INSL6: variants seen among roughly 807,000 people sequenced by gnomAD.
INSL6 encodes insulin-like peptide INSL6.
In INSL6, 16 loss-of-function variants were observed where a neutral mutation model predicts 9.4. That is an observed-to-expected ratio of 1.70 (90% CI 1.15 to 2.59). INSL6 has a LOEUF of 2.59. Ranked by LOEUF, INSL6 falls within the 30% of genes most tolerant of loss-of-function variation. The probability of loss-of-function intolerance (pLI) is 0.00; values close to 1 mark genes in which losing one functional copy is unlikely to be tolerated. For missense variants in INSL6, 391 were observed against 257.3 expected (o/e 1.52, Z -3.56); for synonymous variants, 154 against 96.9 (o/e 1.59, Z -3.46).
intron 3 of INSL6, chr9:5,126,235 A>C: frequency 5.4e-6 from 4 of 736,368 alleles, no homozygotes; most frequent in Non-Finnish European, 9.2e-6. Flanking sequence ...ACAAAAGCAC[A>C]CATATACTAA....
chr9:5,027,663 T>C, the INSL6 span, among the ~76,000 whole-genome samples: 1 of 152,238 alleles, frequency 6.6e-6, no homozygotes, highest in South Asian at 2.1e-4. Context: ...AGGAAGTTGA[T>C]TCACTCAAAC....
intron 2 of INSL6, among the ~76,000 whole-genome samples, chr9:5,152,065 T>C (rs1196928367): frequency 6.6e-6 from 1 of 152,110 alleles, no homozygotes; most frequent in East Asian, 1.9e-4. Flanking sequence ...CAAAATAATT[T>C]TGAAATACAT....
the INSL6 span, among the ~76,000 whole-genome samples, chr9:5,016,107 C>T: frequency 6.6e-6 from 1 of 152,166 alleles, no homozygotes; most frequent in African/African-American, 2.4e-5. Context: ...CGTCGCTTCC[C>T]TCCAAATAGA....
chr9:5,054,344 A>G, the INSL6 span, among the ~76,000 whole-genome samples: 1 of 152,054 alleles, frequency 6.6e-6, no homozygotes, highest in East Asian at 1.9e-4. This position sits in a 1 kb window ranked among gnomAD's most constrained non-coding sequence, Gnocchi z 4.9. Flanking sequence ...GTAAACATTG[A>G]TGATAACTTA....
intron 2 of INSL6, among the ~76,000 whole-genome samples, chr9:5,135,781 A>G (rs1824377771): frequency 6.6e-6 from 1 of 152,184 alleles, no homozygotes; most frequent in South Asian, 2.1e-4. Flanking sequence ...TCAGAGCAGA[A>G]CTGAGCAAGA....
the INSL6 span, chr9:5,112,064 C>G: frequency 7.5e-6 from 3 of 400,700 alleles, no homozygotes; most frequent in South Asian, 3.7e-5. Flanking sequence ...GGGGTCTCCA[C>G]GGCCTGGAGA....
the INSL6 span, among the ~76,000 whole-genome samples, chr9:5,040,786 T>A: frequency 0.35 from 52,600 of 152,124 alleles, 9,793 homozygotes; most frequent in African/African-American, 0.49. Flanking sequence ...TAACATGCGG[T>A]GGCTGGCCCA....
the INSL6 span, chr9:5,022,346 A>G: frequency 5.1e-6 from 3 of 589,836 alleles, no homozygotes; most frequent in East Asian, 5.9e-5. Context: ...GTGTTTTCAC[A>G]TGCATAGAAA....
chr9:5,077,128 G>A, the INSL6 span, among the ~76,000 whole-genome samples: 1 of 151,442 alleles, frequency 6.6e-6, no homozygotes, highest in Admixed American at 6.6e-5. Flanking sequence ...ATGTGGAAGA[G>A]AAATTGAGAA....
chr9:5,034,674 T>C, the INSL6 span, among the ~76,000 whole-genome samples: 1 of 151,954 alleles, frequency 6.6e-6, no homozygotes, highest in Non-Finnish European at 1.5e-5. Context: ...GAAATAAAGA[T>C]GTTCTTTGAA....
chr9:5,112,433 C>A, the INSL6 span: 8 of 516,464 alleles, frequency 1.5e-5, no homozygotes, highest in African/African-American at 1.6e-4. Context: ...CGGCTGACCA[C>A]TCAAGAGGAG....
intron 2 of INSL6, among the ~76,000 whole-genome samples, chr9:5,137,194 A>T (rs2060306968): frequency 6.6e-6 from 1 of 152,216 alleles, no homozygotes; most frequent in South Asian, 2.1e-4. Context: ...CATACTGCCC[A>T]AAGTAATTTA....
chr9:5,164,208 T>C lies in INSL6; in HGVS notation c.347A>G (p.Tyr116Cys), dbSNP rs1470531899. 9 of 1,607,862 alleles carry C rather than the reference T, an allele frequency of 5.6e-6. No individual in the cohort carries two copies. The highest frequency in any genetic ancestry group is 7.6e-6 in the Non-Finnish European group (9 of 1,177,928). ...NSWEMQSLPE[Y>C]KDKKGYSPLG... The stretch of plus-strand genomic sequence containing the variant: ...GGGTGAATATCCCTTTTTATCCTTA[T>C]ACTCAGGTAGTGACTGCATTTCCCA... Residue 116 changes from tyrosine (Y) to cysteine (C), a missense_variant, in exon 2 of 2, where the codon TAT (tyrosine) becomes TGT (cysteine). Tyr to Cys is a radical substitution (Grantham distance 194). Coordinates refer to ENST00000381641, the MANE Select transcript of INSL6 (RefSeq NM_007179.3).
chr9:5,011,231 C>CTTG, the INSL6 span, among the ~76,000 whole-genome samples: 13,470 of 152,006 alleles, frequency 0.089, 1,746 homozygotes, highest in African/African-American at 0.29. Context: ...CTTTGTTACT[C>CTTG]TTGTTGTTCA....
At chr9:5,064,840 G>C in the INSL6 span, 243 of 1,416,916 alleles carry the variant, frequency 1.7e-4, 1 homozygote, top group Middle Eastern at 2.7e-3. Context: ...ACATGGAGTT[G>C]ACTTTCTAAA....
At chr9:5,134,599 T>G (rs12337481) in intron 2 of INSL6, among the ~76,000 whole-genome samples, 55,271 of 151,998 alleles carry the variant, frequency 0.36, 10,982 homozygotes, top group African/African-American at 0.54. Flanking sequence ...AGCTTCGTAA[T>G]TGAAGGAGAA....
chr9:5,091,102 G>A, the INSL6 span: 1 of 458,650 alleles, frequency 2.2e-6, no homozygotes, highest in South Asian at 3.9e-5. Context: ...AATGGCATAT[G>A]CTTTATTTCT....
At chr9:5,033,531 C>G in the INSL6 span, among the ~76,000 whole-genome samples, 515 of 152,316 alleles carry the variant, frequency 3.4e-3, 3 homozygotes, top group Non-Finnish European at 4.6e-3. Context: ...ATCAGACTAA[C>G]AGCAGATCTC....
At chr9:5,104,309 T>C in the INSL6 span, among the ~76,000 whole-genome samples, 1 of 151,820 alleles carries the variant, frequency 6.6e-6, no homozygotes, top group Non-Finnish European at 1.5e-5. Flanking sequence ...AACTAGAAAA[T>C]CTAGAAGAAA....
Sources: allele counts gnomAD v4.1 joint callset (sites outside exome capture counted in the v4.1 genomes callset), GRCh38; gene constraint gnomAD v4.1.1; non-coding constraint Gnocchi (gnomAD v3.1); transcripts MANE v1.5; gene names NCBI Gene and HGNC (gene_info 2026-07-23, HGNC 2026-07-21).